SPOCK3: variants seen among roughly 807,000 people sequenced by gnomAD.
SPOCK3 encodes the protein testican-3.
A neutral mutation model predicts 56.6 loss-of-function variants in SPOCK3; 30 were observed. The ratio of observed to expected loss-of-function variants is 0.53; its 90% CI spans 0.40 to 0.72. SPOCK3 has a LOEUF of 0.72. Among genes scored for constraint, SPOCK3 ranks in the 30% least tolerant of loss-of-function variants. SPOCK3 has a pLI of 0.00. For missense variants in SPOCK3, 527 were observed against 530.0 expected (o/e 0.99, Z 0.06); for synonymous variants, 196 against 183.3 (o/e 1.07, Z -0.56).
At chr4:166,774,297 A>C (rs1479407640) in intron 7 of SPOCK3, among the ~76,000 whole-genome samples, 1 of 152,132 alleles carries the variant, frequency 6.6e-6, no homozygotes, top group Non-Finnish European at 1.5e-5. Flanking sequence ...CAAATTGATA[A>C]CTGTCTTAGG....
intron 6 of SPOCK3, among the ~76,000 whole-genome samples, chr4:166,878,201 C>T (rs1286344230): frequency 6.6e-6 from 1 of 152,138 alleles, no homozygotes; most frequent in Admixed American, 6.5e-5. Context: ...ATTGCTTGAA[C>T]CCGGGTGGCG....
intron 2 of SPOCK3, among the ~76,000 whole-genome samples, chr4:167,132,259 A>T (rs1417706808): frequency 6.6e-6 from 1 of 152,234 alleles, no homozygotes; most frequent in African/African-American, 2.4e-5. Context: ...TAGCAGAACT[A>T]CAGTCAACTC....
intron 2 of SPOCK3, among the ~76,000 whole-genome samples, chr4:167,166,629 C>G (rs950140135): frequency 2.6e-5 from 4 of 152,012 alleles, no homozygotes; most frequent in Non-Finnish European, 5.9e-5. Flanking sequence ...TTAATAGTGT[C>G]CTGTCAGACA....
At chr4:167,120,057 A>G (rs556663048) in intron 2 of SPOCK3, among the ~76,000 whole-genome samples, 6 of 152,226 alleles carry the variant, frequency 3.9e-5, no homozygotes, top group African/African-American at 1.4e-4. Flanking sequence ...TTCTATAAAT[A>G]AGGGTCATAA....
chr4:166,812,788 T>C (rs1743970871), intron 6 of SPOCK3, among the ~76,000 whole-genome samples: 1 of 152,000 alleles, frequency 6.6e-6, no homozygotes, highest in Non-Finnish European at 1.5e-5. Flanking sequence ...AAAGGCTATA[T>C]ATTTTCAAAG....
At chr4:167,101,237 C>A (rs1039577100) in intron 2 of SPOCK3, among the ~76,000 whole-genome samples, 1 of 152,052 alleles carries the variant, frequency 6.6e-6, no homozygotes. Context: ...TTTCTAAGCT[C>A]TTTCTCCCTC....
chr4:166,952,489 G>A lies in SPOCK3; in HGVS notation c.351-39746C>T, dbSNP rs376771702. Among the ~76,000 whole-genome samples the A allele has an allele frequency of 6.5e-3, 984 of 152,192 alleles. 15 individuals carry two copies. The highest frequency in any genetic ancestry group is 0.022 in the African/African-American group (925 of 41,516). On this transcript the variant is annotated intron_variant, in intron 4 of 10. Transcript: ENST00000357545. ...CTCATGGGTAGGAAGAATCAATATC[G>A]TGAAAATGGCCATACTGCCTAAGGT...
At chr4:167,132,854 C>T (rs1475626265) in intron 2 of SPOCK3, among the ~76,000 whole-genome samples, 3 of 152,082 alleles carry the variant, frequency 2.0e-5, no homozygotes, top group African/African-American at 7.2e-5. Context: ...TACACACATG[C>T]CATTGGATTT....
At chr4:167,203,607 C>T (rs1028926359) in intron 2 of SPOCK3, among the ~76,000 whole-genome samples, 1 of 151,544 alleles carries the variant, frequency 6.6e-6, no homozygotes, top group Admixed American at 6.6e-5. Context: ...GAACCGTCCT[C>T]CCTGCATTTG....
chr4:167,225,983 G>C (rs1358686403), intron 2 of SPOCK3, among the ~76,000 whole-genome samples: 1 of 152,086 alleles, frequency 6.6e-6, no homozygotes, highest in African/African-American at 2.4e-5. Flanking sequence ...TCCTTTTTCT[G>C]CATCGGAGGA....
chr4:166,987,592 T>C (rs1747309451), intron 4 of SPOCK3, among the ~76,000 whole-genome samples: 1 of 152,182 alleles, frequency 6.6e-6, no homozygotes, highest in Non-Finnish European at 1.5e-5. Flanking sequence ...TGTTCAATGA[T>C]AAACAAGTTT....
intron 3 of SPOCK3, among the ~76,000 whole-genome samples, chr4:167,009,910 T>A (rs1358857884): frequency 6.6e-6 from 1 of 151,596 alleles, no homozygotes; most frequent in Non-Finnish European, 1.5e-5. Context: ...ATGAAAAAAA[T>A]TAAAACAGAC....
intron 2 of SPOCK3, among the ~76,000 whole-genome samples, chr4:167,233,094 AC>A (rs546510953): frequency 3.7e-4 from 56 of 152,308 alleles, no homozygotes; most frequent in African/African-American, 1.3e-3. Flanking sequence ...TATTCAGCCA[AC>A]AGGGCGGCCT....
intron 2 of SPOCK3, among the ~76,000 whole-genome samples, chr4:167,185,237 G>A (rs1731842692): frequency 6.6e-6 from 1 of 152,038 alleles, no homozygotes; most frequent in Admixed American, 6.6e-5. Context: ...ATGGAATATG[G>A]GGGGATTAGG....
chr4:167,147,809 G>C (rs534614850), intron 2 of SPOCK3, among the ~76,000 whole-genome samples: 2 of 152,034 alleles, frequency 1.3e-5, no homozygotes, highest in African/African-American at 4.8e-5. Context: ...GGGCCCGTCC[G>C]GAGGGTGGGG....
chr4:166,764,298 G>C (rs1055962220), intron 7 of SPOCK3, among the ~76,000 whole-genome samples: 37 of 152,070 alleles, frequency 2.4e-4, no homozygotes, highest in Admixed American at 1.6e-3. Context: ...CCATTAACTC[G>C]TCATTTACAT....
At position 166,748,439 on chromosome 4, in the gene SPOCK3, A is replaced by C. The variant is rs1458895833; in HGVS notation, c.931+6069T>G. 6.3e-4 allele frequency among the ~76,000 whole-genome samples: 86 copies of C among 137,352 alleles called. 11 individuals carry two copies. Among genetic ancestry groups the C allele is most frequent in the Non-Finnish European group, 1.2e-3 (78 of 64,722 alleles). The allele number at this position is 137,352 out of a possible 152,430, so 90.1% of individuals were successfully genotyped here. A position where few individuals can be genotyped will look rare whatever the true frequency, so the allele number is the denominator to read the frequency against. On this transcript the variant is annotated intron_variant, in intron 8 of 10. Transcript: ENST00000357545. ...GGGAAAACTGGCTAGCCATATGTAC[A>C]AAGCTGAAACTGGATGCCTTCCTTA...
intron 3 of SPOCK3, among the ~76,000 whole-genome samples, chr4:167,059,143 T>G (rs889583699): frequency 5.3e-5 from 8 of 151,692 alleles, no homozygotes; most frequent in South Asian, 4.2e-4. Flanking sequence ...AAGCCAAAAT[T>G]GACAAATGGG....
intron 3 of SPOCK3, among the ~76,000 whole-genome samples, chr4:167,052,528 C>T (rs74358917): frequency 0.015 from 2,234 of 152,268 alleles, 20 homozygotes; most frequent in Non-Finnish European, 0.023. Flanking sequence ...TCAGAATTTA[C>T]ATTTCTAAAT....
Sources: allele counts gnomAD v4.1 joint callset (sites outside exome capture counted in the v4.1 genomes callset), GRCh38; gene constraint gnomAD v4.1.1; transcripts MANE v1.5; gene names NCBI Gene and HGNC (gene_info 2026-07-23, HGNC 2026-07-21).